The following THSD7B variants were observed in gnomAD, a reference collection of about 807,000 sequenced individuals.
THSD7B encodes thrombospondin type-1 domain-containing protein 7B.
THSD7B carries 138 observed loss-of-function variants against 213.6 expected under a neutral mutation model. The ratio of observed to expected loss-of-function variants is 0.65; its 90% confidence interval spans 0.56 to 0.74. The LOEUF is 0.74. THSD7B is among the 30% of genes least tolerant of loss of function. THSD7B has a pLI of 0.00. For missense variants in THSD7B, 1,931 were observed against 1,991.5 expected, an observed-to-expected ratio of 0.97 and a Z score of 0.58; for synonymous variants, 742 against 687.0, an observed-to-expected ratio of 1.08 and a Z score of -1.25.
chr2:137,558,402 G>A (rs1436890342), intron 15 of THSD7B, among the ~76,000 whole-genome samples: 1 of 152,148 alleles, frequency 6.6e-6, no homozygotes, highest in African/African-American at 2.4e-5. Context: ...TGCAAGGCTG[G>A]TTCAACATAT....
intron 7 of THSD7B, among the ~76,000 whole-genome samples, chr2:137,215,153 T>G (rs942959832): frequency 6.6e-6 from 1 of 152,220 alleles, no homozygotes; most frequent in African/African-American, 2.4e-5. Flanking sequence ...TATCTCATTG[T>G]GGTTTTGATT....
At chr2:136,946,878 G>A (rs1227807217) in intron 2 of THSD7B, among the ~76,000 whole-genome samples, 1 of 152,162 alleles carries the variant, frequency 6.6e-6, no homozygotes, top group African/African-American at 2.4e-5. Flanking sequence ...ATTTTTCCAG[G>A]TACAGTCTGT....
chr2:137,387,703 T>C (rs1318687636), intron 12 of THSD7B, among the ~76,000 whole-genome samples: 2 of 152,188 alleles, frequency 1.3e-5, no homozygotes, highest in African/African-American at 2.4e-5. Flanking sequence ...TGATTTGTTA[T>C]GATCTGAAGG....
At chr2:137,250,772 T>C (rs1682154551) in intron 10 of THSD7B, among the ~76,000 whole-genome samples, 1 of 152,198 alleles carries the variant, frequency 6.6e-6, no homozygotes, top group Admixed American at 6.5e-5. Context: ...AAGTGTGCTA[T>C]GAAGGTCAGG....
chr2:137,506,206 A>G (rs1194527730), intron 15 of THSD7B, among the ~76,000 whole-genome samples: 4 of 152,202 alleles, frequency 2.6e-5, no homozygotes, highest in Non-Finnish European at 4.4e-5. Context: ...TTACAGCTTC[A>G]CATTACAGAA....
At chr2:137,083,698 T>C (rs1687788123) in intron 3 of THSD7B, among the ~76,000 whole-genome samples, 1 of 152,138 alleles carries the variant, frequency 6.6e-6, no homozygotes, top group Non-Finnish European at 1.5e-5. Context: ...TCTTCATTTT[T>C]CCATTCACAT....
chr2:136,856,530 T>G (rs1002265533), intron 1 of THSD7B, among the ~76,000 whole-genome samples: 2 of 151,998 alleles, frequency 1.3e-5, no homozygotes, highest in Non-Finnish European at 2.9e-5. Context: ...TTTTTTTTTT[T>G]TTTGAGACAG....
chr2:137,572,043 A>G (rs1453142273), intron 16 of THSD7B, among the ~76,000 whole-genome samples: 1 of 152,196 alleles, frequency 6.6e-6, no homozygotes, highest in Non-Finnish European at 1.5e-5. Flanking sequence ...TCAGAGAAGG[A>G]GAGCCTTCAA....
intron 2 of THSD7B, among the ~76,000 whole-genome samples, chr2:136,938,725 T>C (rs1684772479): frequency 6.6e-6 from 1 of 152,202 alleles, no homozygotes; most frequent in African/African-American, 2.4e-5. Context: ...CATTTGATGC[T>C]GTAATGTGTG....
chr2:136,972,842 T>C (rs1011269727), intron 2 of THSD7B, among the ~76,000 whole-genome samples: 1 of 152,090 alleles, frequency 6.6e-6, no homozygotes, highest in African/African-American at 2.4e-5. Context: ...GAAAACCTTT[T>C]TGGGGGTGTG....
rs1276092697 is a variant in THSD7B, at chr2:136,802,967, A to G, written c.-36+37280A>G. On this transcript the variant is annotated intron_variant, in intron 1 of 27. Coordinates refer to ENST00000409968, the MANE Select transcript of THSD7B (RefSeq NM_001316349.2). ...AATATCTAACAACAGAGTCAACATT[A>G]TTATTTTTCAAAGAGTGAATCTAAG... Among the ~76,000 whole-genome samples, 4 of 151,906 alleles carry G rather than the reference A, an allele frequency of 2.6e-5. No homozygotes were observed. In the South Asian group the frequency reaches 6.2e-4, roughly 24 times the overall value.
intron 12 of THSD7B, among the ~76,000 whole-genome samples, chr2:137,379,674 A>G (rs751259647): frequency 1.3e-5 from 2 of 152,250 alleles, no homozygotes; most frequent in East Asian, 1.9e-4. Flanking sequence ...AGATTGCTAG[A>G]ACATCCTCTG....
At chr2:137,444,315 C>T (rs1241497155) in intron 14 of THSD7B, among the ~76,000 whole-genome samples, 1 of 151,958 alleles carries the variant, frequency 6.6e-6, no homozygotes, top group African/African-American at 2.4e-5. Context: ...TTTAAGTAAG[C>T]GTTTAACACT....
rs114758710 is a variant in THSD7B at position 137,200,050 on chromosome 2, C to T, written c.1723+29112C>T. Among the ~76,000 whole-genome samples, 1,004 of 152,158 alleles carry T rather than the reference C, an allele frequency of 6.6e-3. 13 individuals are homozygous for T. Among genetic ancestry groups the T allele is most frequent in the African/African-American group, 0.022 (920 of 41,500 alleles). On this transcript the variant is annotated intron_variant, in intron 7 of 27. Coordinates refer to ENST00000409968, the MANE Select transcript of THSD7B (RefSeq NM_001316349.2). ...AAGGATGTAATTCCTTCTCAAGGAA[C>T]GTTGGAAATGTGAATATTTTTCAAT...
At chr2:136,790,312 C>A (rs1021105517) in intron 1 of THSD7B, among the ~76,000 whole-genome samples, 6 of 152,058 alleles carry the variant, frequency 3.9e-5, no homozygotes, top group Admixed American at 1.3e-4. Context: ...AAGAAAAAAA[C>A]CACCTTATTT....
rs1477130884 is a variant in THSD7B, at chr2:137,233,012, A to G, written c.2029A>G (p.Thr677Ala). The G allele has an allele frequency of 3.1e-6, 5 of 1,613,876 alleles. No homozygotes were observed. In the Admixed American group the frequency reaches 5.0e-5, roughly 16 times the overall value. ...TSPWGPCSED[T>A]LVTALNATIG... ...GCCTTGGGGCCCTTGTTCTGAGGAC[A>G]CATTGGTAACTGCCCTTAATGCAAC... Residue 677 changes from threonine to alanine, a missense_variant, in exon 9 of 28, where the codon ACA becomes GCA. Physicochemically the swap from Thr to Ala is moderately conservative, Grantham distance 58. Coordinates refer to ENST00000409968, the MANE Select transcript of THSD7B (RefSeq NM_001316349.2).
rs867871823 is a variant in THSD7B, at chr2:137,135,320, A to C, written c.1369+20027A>C. 2.6e-5 allele frequency among the ~76,000 whole-genome samples: 4 copies of C among 152,108 alleles called. No individual in the cohort carries two copies. The South Asian group carries it at 8.3e-4, about 32-fold the overall frequency. On this transcript the variant is annotated intron_variant, in intron 5 of 27. Transcript: ENST00000409968. The stretch of plus-strand genomic sequence containing the variant: ...TCTTCTGAGCTTTAGCCCTTATAAC[A>C]TTATTATAATGCTTGTCTGAAGTCA...
intron 2 of THSD7B, among the ~76,000 whole-genome samples, chr2:137,041,140 G>A (rs1686875128): frequency 6.6e-6 from 1 of 152,174 alleles, no homozygotes; most frequent in Admixed American, 6.5e-5. Context: ...GATGGTTCAG[G>A]AATATTGTTG....
intron 1 of THSD7B, among the ~76,000 whole-genome samples, chr2:136,802,642 T>TATATATAC (rs1161277748): frequency 8.3e-5 from 5 of 60,372 alleles, no homozygotes; most frequent in South Asian, 6.9e-4. Flanking sequence ...ATTAAGTTTA[T>TATATATAC]ATATATATAT....
Sources: allele counts gnomAD v4.1 joint callset (sites outside exome capture counted in the v4.1 genomes callset), GRCh38; gene constraint gnomAD v4.1.1; transcripts MANE v1.5; gene names NCBI Gene and HGNC (gene_info 2026-07-23, HGNC 2026-07-21).